The following CLEC6A variants were observed in gnomAD, a reference collection of about 807,000 sequenced individuals.
The protein encoded by CLEC6A is C-type lectin domain family 6 member A.
CLEC6A carries 22 observed loss-of-function variants against 25.7 expected under a neutral mutation model. That is an observed-to-expected ratio of 0.85 (90% CI 0.61 to 1.22). The LOEUF (loss-of-function observed/expected upper bound fraction) is 1.22, where lower values mean the gene tolerates loss of function less well. Ranked by LOEUF, CLEC6A falls within the 50% of genes most tolerant of loss-of-function variation. CLEC6A has a pLI of 0.00. For synonymous variants in CLEC6A, 92 were observed against 76.7 expected (o/e 1.20, Z -1.04); for missense variants, 240 against 236.8 (o/e 1.01, Z -0.09).
intron 4 of CLEC6A, among the ~76,000 whole-genome samples, chr12:8,466,981 G>A (rs1254524344): frequency 2.0e-5 from 3 of 152,102 alleles, no homozygotes; most frequent in Non-Finnish European, 2.9e-5. Context: ...TGTTGACAAT[G>A]TGTATATCTT....
chr12:8,472,208 C>A (rs376662565), intron 4 of CLEC6A, among the ~76,000 whole-genome samples: 3 of 152,154 alleles, frequency 2.0e-5, no homozygotes. Flanking sequence ...GTGTACTTTT[C>A]CAGATAAAGT....
chr12:8,465,961 A>G (rs1011053435), intron 4 of CLEC6A, among the ~76,000 whole-genome samples: 3 of 152,178 alleles, frequency 2.0e-5, no homozygotes, highest in Non-Finnish European at 4.4e-5. Flanking sequence ...AATATCCACA[A>G]GATTCGTCCA....
At chr12:8,459,776 C>T (rs941481860) in intron 3 of CLEC6A, 78 bp downstream of exon 3, 5 of 899,342 alleles carry the variant, frequency 5.6e-6, no homozygotes, top group Non-Finnish European at 9.3e-6. Context: ...TTGGTGTATT[C>T]TATTGTGCAT....
chr12:8,472,674 T>C (rs997004058), intron 4 of CLEC6A, among the ~76,000 whole-genome samples: 5 of 152,192 alleles, frequency 3.3e-5, no homozygotes, highest in African/African-American at 1.2e-4. Flanking sequence ...AGTCAGTGTC[T>C]TCATGGGGGA....
chr12:8,460,768 C>A, intron 3 of CLEC6A: 2 of 1,414,456 alleles, frequency 1.4e-6, no homozygotes, highest in East Asian at 2.3e-5. Flanking sequence ...AGCGGGCCGA[C>A]TGGGCTACAA....
rs1034881278 is a variant in CLEC6A, at chr12:8,456,101, G to T, written c.-11G>T. On this transcript the variant is annotated 5_prime_UTR_variant, in exon 1 of 6. The change creates a premature stop within an existing upstream ORF in the 5' untranslated region. Transcript: ENST00000382073. ...GGTTCCTGGACCTTCTCAACACAGG[G>T]AGCCTGCATAATGATGCAAGAGCAG... 9.3e-6 allele frequency: 15 copies of T among 1,613,778 alleles called. No individual in the cohort carries two copies. Among genetic ancestry groups the T allele is most frequent in the African/African-American group, 1.3e-5 (1 of 75,038 alleles).
At chr12:8,468,943 T>C (rs1055087075) in intron 4 of CLEC6A, among the ~76,000 whole-genome samples, 3 of 151,974 alleles carry the variant, frequency 2.0e-5, no homozygotes, top group Non-Finnish European at 2.9e-5. Context: ...GCCAGAGCAA[T>C]CAGACAAGAG....
chr12:8,474,871 T>C (rs1470371148), intron 4 of CLEC6A, among the ~76,000 whole-genome samples: 1 of 152,166 alleles, frequency 6.6e-6, no homozygotes, highest in Non-Finnish European at 1.5e-5. Flanking sequence ...TCCAAGTAAT[T>C]TGCTACTTTC....
chr12:8,467,642 C>A (rs1319093349), intron 4 of CLEC6A, among the ~76,000 whole-genome samples: 1 of 152,266 alleles, frequency 6.6e-6, no homozygotes, highest in East Asian at 1.9e-4. Context: ...CAACTTTGTT[C>A]TTTTTCAAGG....
At chr12:8,465,378 G>T in intron 3 of CLEC6A, 106 bp from the exon 4 acceptor site, 6 of 1,115,014 alleles carry the variant, frequency 5.4e-6, no homozygotes, top group Non-Finnish European at 6.4e-6. Flanking sequence ...TCAGGAAACA[G>T]TAAAAACGTG....
intron 4 of CLEC6A, 42 bp downstream of exon 4, chr12:8,465,671 A>G (rs1395546247): frequency 1.9e-6 from 3 of 1,560,996 alleles, no homozygotes; most frequent in Non-Finnish European, 2.6e-6. Context: ...TAGAGAAAAC[A>G]CACAATATAA....
At chr12:8,463,150 C>A (rs1047667031) in intron 3 of CLEC6A, among the ~76,000 whole-genome samples, 2 of 152,056 alleles carry the variant, frequency 1.3e-5, no homozygotes, top group Non-Finnish European at 2.9e-5. Flanking sequence ...ATACTTTTCT[C>A]ATCTGTCAAA....
intron 4 of CLEC6A, 68 bp downstream of exon 4, chr12:8,465,697 C>T: frequency 1.4e-6 from 2 of 1,416,452 alleles, no homozygotes; most frequent in South Asian, 1.2e-5. Context: ...ACTGTCATAA[C>T]CATTTTTCAG....
chr12:8,466,985 A>G (rs1346598522), intron 4 of CLEC6A, among the ~76,000 whole-genome samples: 2 of 152,200 alleles, frequency 1.3e-5, no homozygotes, highest in African/African-American at 2.4e-5. Flanking sequence ...GACAATGTGT[A>G]TATCTTCTTT....
intron 5 of CLEC6A, 68 bp from the exon 6 acceptor site, chr12:8,477,252 T>C: frequency 1.5e-6 from 2 of 1,345,106 alleles, no homozygotes; most frequent in Non-Finnish European, 2.1e-6. Flanking sequence ...CACCCCAGAC[T>C]TTTATACTTT....
Position 8,457,993 on chromosome 12 carries a change from T to C in CLEC6A, c.121+6T>C, listed in dbSNP as rs1167669418. 6.3e-7 allele frequency: 1 copy of C among 1,599,506 alleles called. No homozygotes were observed. Among genetic ancestry groups the C allele is most frequent in the African/African-American group, 1.3e-5 (1 of 74,612 alleles). ...CTTCATTGTGAGCTGTGTAGGTAAGTTCTTCACTGAGGTGCATTTTCCTTG... is the reference window on the plus strand; with the variant it reads ...CTTCATTGTGAGCTGTGTAGGTAAGCTCTTCACTGAGGTGCATTTTCCTTG... On this transcript the variant is annotated splice_donor_region_variant and intron_variant, in intron 2 of 5. Transcript: ENST00000382073.
At chr12:8,465,679 T>G in intron 4 of CLEC6A, 50 bp downstream of exon 4, 1 of 1,516,638 alleles carries the variant, frequency 6.6e-7, no homozygotes, top group South Asian at 1.2e-5. Flanking sequence ...ACACACAATA[T>G]AAAATTTACT....
chr12:8,468,482 T>C (rs1461886085), intron 4 of CLEC6A, among the ~76,000 whole-genome samples: 1 of 152,222 alleles, frequency 6.6e-6, no homozygotes, highest in Non-Finnish European at 1.5e-5. Context: ...TTTTTTTCTC[T>C]TCCTTGCCAA....
chr12:8,464,953 G>C (rs751989932), intron 3 of CLEC6A, among the ~76,000 whole-genome samples: 1 of 152,272 alleles, frequency 6.6e-6, no homozygotes, highest in South Asian at 2.1e-4. Context: ...CCCCTGTGAG[G>C]TTGGCACTAT....
Sources: allele counts gnomAD v4.1 joint callset (sites outside exome capture counted in the v4.1 genomes callset), GRCh38; gene constraint gnomAD v4.1.1; transcripts MANE v1.5; gene names NCBI Gene and HGNC (gene_info 2026-07-23, HGNC 2026-07-21).